Variants in GSE1 observed in about 807,000 individuals in gnomAD.
GSE1 encodes genetic suppressor element 1.
In GSE1, 32 loss-of-function variants were observed where a neutral mutation model predicts 112.6. That is an observed-to-expected ratio of 0.28 (90% confidence interval 0.21 to 0.38). The LOEUF is 0.38. Ranked by LOEUF, GSE1 falls within the 10% of genes least tolerant of loss-of-function variation. The pLI, the probability that GSE1 is intolerant of heterozygous loss-of-function variation, is 1.00. For missense variants in GSE1, 2,348 were observed against 1,699.2 expected, an observed-to-expected ratio of 1.38 and a Z score of -6.71; for synonymous variants, 1,115 against 735.6, an observed-to-expected ratio of 1.52 and a Z score of -8.35.
intron 2 of GSE1, among the ~76,000 whole-genome samples, chr16:85,398,911 T>C (rs1460074245): frequency 6.6e-6 from 1 of 152,184 alleles, no homozygotes; most frequent in Non-Finnish European, 1.5e-5. Flanking sequence ...TAGACATGTA[T>C]AATGCATGTC....
At chr16:85,252,801 G>C (rs1240349780) in intron 1 of GSE1, among the ~76,000 whole-genome samples, 4 of 152,360 alleles carry the variant, frequency 2.6e-5, no homozygotes, top group African/African-American at 9.6e-5. Context: ...GCCGGTGACA[G>C]GACGGGCCTG....
In GSE1 at chr16:85,627,111, C is replaced by G. The variant is rs540104501; in HGVS notation, c.8-6803C>G. Among the ~76,000 whole-genome samples the G allele has an allele frequency of 5.6e-4, 56 of 99,130 alleles. 1 individual carries two copies. The highest frequency in any genetic ancestry group is 6.4e-4 in the Admixed American group (4 of 6,264). The allele number at this position is 99,130 out of a possible 152,430, so 65.0% of individuals were successfully genotyped here. A position where few individuals can be genotyped will look rare whatever the true frequency, so the allele number is the denominator to read the frequency against. On this transcript the variant is annotated intron_variant, in intron 1 of 15. Transcript: ENST00000253458. ...TGCTGCTTCTGACCCTATTAGAAACCTAGCCAGAGAATAGGAGAAAGTATT... is the reference window on the plus strand; with the variant it reads ...TGCTGCTTCTGACCCTATTAGAAACGTAGCCAGAGAATAGGAGAAAGTATT...
At chr16:85,383,030 G>GCA (rs756135969) in intron 2 of GSE1, among the ~76,000 whole-genome samples, 2 of 150,984 alleles carry the variant, frequency 1.3e-5, no homozygotes, top group African/African-American at 2.4e-5. Context: ...ACCCACACAT[G>GCA]CACACACACA....
chr16:85,422,114 C>T (rs1048731933), intron 2 of GSE1, among the ~76,000 whole-genome samples: 1 of 152,156 alleles, frequency 6.6e-6, no homozygotes, highest in African/African-American at 2.4e-5. Flanking sequence ...CATCGAACCC[C>T]CATGTCCCCA....
At chr16:85,467,239 C>T (rs2050150140) in intron 2 of GSE1, among the ~76,000 whole-genome samples, 3 of 152,192 alleles carry the variant, frequency 2.0e-5, no homozygotes, top group East Asian at 1.9e-4. Context: ...CCTGGGTTCG[C>T]ATCCTGCTGC....
At chr16:85,383,167 G>A (rs182706934) in intron 2 of GSE1, among the ~76,000 whole-genome samples, 1 of 151,310 alleles carries the variant, frequency 6.6e-6, no homozygotes, top group Non-Finnish European at 1.5e-5. Context: ...GTAGACACCT[G>A]GGTACACAGT....
rs559424442 is a variant in GSE1 at position 85,317,617 on chromosome 16, A to C, written c.2284-39846A>C. On this transcript the variant is annotated intron_variant, in intron 1 of 2. Transcript: ENST00000637419. The stretch of plus-strand genomic sequence containing the variant: ...AAGGTCCCTGGCAAAATTGATCCCC[A>C]GTGCCCACGGTCAGCACTGGTGGGC... 2.1e-3 allele frequency among the ~76,000 whole-genome samples: 313 copies of C among 151,304 alleles called. 4 individuals are homozygous for C. The highest frequency in any genetic ancestry group is 0.012 in the South Asian group (55 of 4,756).
At chr16:85,662,942 G>C in intron 9 of GSE1, 39 bp from the exon 10 acceptor site, 1 of 1,373,246 alleles carries the variant, frequency 7.3e-7, no homozygotes, top group African/African-American at 1.4e-5. Context: ...GACAGATGAA[G>C]GCTCTTTGTC....
intron 2 of GSE1, among the ~76,000 whole-genome samples, chr16:85,429,646 C>T (rs1035244784): frequency 1.3e-5 from 2 of 152,212 alleles, no homozygotes; most frequent in African/African-American, 4.8e-5. Context: ...ATCTCCCTTG[C>T]TGGCTCTGCT....
At chr16:85,308,456 G>A (rs1009163664) in intron 1 of GSE1, among the ~76,000 whole-genome samples, 4 of 152,094 alleles carry the variant, frequency 2.6e-5, no homozygotes, top group African/African-American at 4.8e-5. Context: ...GCCATAAAGC[G>A]CAATACTGAT....
chr16:85,587,206 G>A (rs2046746703), intron 1 of GSE1, among the ~76,000 whole-genome samples: 1 of 151,994 alleles, frequency 6.6e-6, no homozygotes, highest in South Asian at 2.1e-4. Context: ...GGTCTGGAGG[G>A]CCCGGCCGTG....
intron 2 of GSE1, among the ~76,000 whole-genome samples, chr16:85,365,807 G>A (rs1236757457): frequency 6.6e-6 from 1 of 152,246 alleles, no homozygotes; most frequent in Non-Finnish European, 1.5e-5. Context: ...GGCTGTGGAT[G>A]GCTTTCAGTG....
chr16:85,400,249 T>TTC (rs1047600000), intron 2 of GSE1, among the ~76,000 whole-genome samples: 14 of 150,586 alleles, frequency 9.3e-5, no homozygotes, highest in African/African-American at 2.2e-4. Flanking sequence ...AAGTGTAGGG[T>TTC]TGTGTGTGTG....
chr16:85,299,156 G>A (rs924193579), intron 1 of GSE1, among the ~76,000 whole-genome samples: 2 of 152,242 alleles, frequency 1.3e-5, no homozygotes, highest in African/African-American at 4.8e-5. Flanking sequence ...TGTTTGCACC[G>A]TCTTGTCTTT....
chr16:85,478,467 C>T (rs1305467953), intron 2 of GSE1, among the ~76,000 whole-genome samples: 1 of 146,736 alleles, frequency 6.8e-6, no homozygotes, highest in Non-Finnish European at 1.5e-5. Context: ...GCAGAGGTTG[C>T]AGTGAGCTGA....
At chr16:85,461,510 G>C (rs555967502) in intron 2 of GSE1, among the ~76,000 whole-genome samples, 356 of 152,284 alleles carry the variant, frequency 2.3e-3, no homozygotes, top group Non-Finnish European at 3.8e-3. Flanking sequence ...CCACGCAAGG[G>C]GGGGAGGGGG....
At chr16:85,651,020 G>T (rs1310309412) in intron 3 of GSE1, among the ~76,000 whole-genome samples, 1 of 124,914 alleles carries the variant, frequency 8.0e-6, no homozygotes, top group Non-Finnish European at 1.8e-5. Context: ...GGAGAATGAC[G>T]GATTTGCTCC....
At chr16:85,541,011 G>A (rs2044499261) in intron 2 of GSE1, among the ~76,000 whole-genome samples, 1 of 152,158 alleles carries the variant, frequency 6.6e-6, no homozygotes, top group Admixed American at 6.5e-5. Context: ...TGGTGTGGCG[G>A]GGATGGGGGT....
chr16:85,289,081 G>T (rs1374665494), intron 1 of GSE1, among the ~76,000 whole-genome samples: 1 of 152,194 alleles, frequency 6.6e-6, no homozygotes, highest in African/African-American at 2.4e-5. Flanking sequence ...ATCAGATCCT[G>T]GGCTCAAGGT....
Sources: gnomAD v4.1 joint callset for allele counts (sites outside exome capture counted in the v4.1 genomes callset) on GRCh38, gnomAD v4.1.1 for gene constraint, MANE v1.5 for transcripts, NCBI Gene and HGNC (gene_info 2026-07-23, HGNC 2026-07-21) for gene names.